Variants in TMCO5A observed in about 807,000 individuals in gnomAD.
The protein encoded by TMCO5A is transmembrane and coiled-coil domain-containing protein 5A.
TMCO5A carries 34 observed loss-of-function variants against 42.3 expected under a neutral mutation model. That is an observed-to-expected ratio of 0.80 (90% CI 0.61 to 1.07). The LOEUF (loss-of-function observed/expected upper bound fraction) is 1.07. TMCO5A is among the 50% of genes least tolerant of loss of function. The pLI, the probability that TMCO5A is intolerant of heterozygous loss-of-function variation, is 0.00. For missense variants in TMCO5A, 357 were observed against 327.9 expected, an observed-to-expected ratio of 1.09 and a Z score of -0.69; for synonymous variants, 131 against 115.6, an observed-to-expected ratio of 1.13 and a Z score of -0.86.
At chr15:38,030,624 T>G in the TMCO5A span, among the ~76,000 whole-genome samples, 1 of 152,166 alleles carries the variant, frequency 6.6e-6, no homozygotes, top group Non-Finnish European at 1.5e-5. Context: ...TTAGCAAGAA[T>G]AAAGGGCTCG....
At chr15:37,976,894 C>T in the TMCO5A span, among the ~76,000 whole-genome samples, 1 of 149,570 alleles carries the variant, frequency 6.7e-6, no homozygotes, top group Non-Finnish European at 1.5e-5. Flanking sequence ...CAAATGATTC[C>T]TCTGCCTCAG....
intron 11 of TMCO5A, among the ~76,000 whole-genome samples, chr15:37,966,057 T>C (rs1443367548): frequency 1.3e-5 from 2 of 152,152 alleles, no homozygotes; most frequent in Admixed American, 6.6e-5. Context: ...ATCTACACAA[T>C]AGAGTGCTAT....
chr15:37,959,394 C>T (rs1166413781), intron 11 of TMCO5A, among the ~76,000 whole-genome samples: 2 of 151,866 alleles, frequency 1.3e-5, no homozygotes, highest in Non-Finnish European at 2.9e-5. Flanking sequence ...CAGACAAAGA[C>T]ACGTCAAAAA....
the TMCO5A span, among the ~76,000 whole-genome samples, chr15:37,997,013 AT>A: frequency 6.6e-6 from 1 of 152,238 alleles, no homozygotes; most frequent in African/African-American, 2.4e-5. Flanking sequence ...TCTCATTAGG[AT>A]GAATGAGTTC....
intron 11 of TMCO5A, among the ~76,000 whole-genome samples, chr15:37,957,558 G>T (rs1890321980): frequency 6.6e-6 from 1 of 151,988 alleles, no homozygotes; most frequent in Admixed American, 6.6e-5. Flanking sequence ...TCTTCAAGGA[G>T]AACTACAAAC....
chr15:37,946,971 A>C (rs1377206205), intron 10 of TMCO5A, among the ~76,000 whole-genome samples: 1 of 152,022 alleles, frequency 6.6e-6, no homozygotes, highest in Non-Finnish European at 1.5e-5. Flanking sequence ...CCTATTTAGT[A>C]TGATATTGGC....
At chr15:38,014,853 TTATATATATATATATATATATATATATA>T in the TMCO5A span, among the ~76,000 whole-genome samples, 16 of 54,632 alleles carry the variant, frequency 2.9e-4, no homozygotes, top group East Asian at 8.0e-4. Context: ...AGGAGAAAGA[TTATATATATATATATATATATATATATA>T]TATATATATA....
chr15:37,952,902 A>C (rs111390660), downstream of TMCO5A, among the ~76,000 whole-genome samples: 10 of 152,344 alleles, frequency 6.6e-5, no homozygotes, highest in African/African-American at 2.2e-4. Context: ...GCCTTCTTTA[A>C]GGAAACATTA....
intron 9 of TMCO5A, 101 bp from the exon 10 acceptor site, chr15:37,943,240 G>A: frequency 9.2e-7 from 1 of 1,088,102 alleles, no homozygotes; most frequent in Non-Finnish European, 1.3e-6. Context: ...ATATTGGACA[G>A]TACAGATTTA....
In TMCO5A at chr15:37,966,260, T is replaced by C. The variant is rs546832738; in HGVS notation, c.669-365T>C. 1.3e-4 allele frequency among the ~76,000 whole-genome samples: 19 copies of C among 150,736 alleles called. No individual in the cohort carries two copies. The South Asian group carries it at 3.5e-3, about 28-fold the overall frequency. ...GGTTACCAGAGGTTGTGAAGGATGA[T>C]GGCAGGGAGGTGAGAATGCTTAGTG... On this transcript the variant is annotated intron_variant, in intron 11 of 11. Transcript: ENST00000559502.
chr15:37,961,444 C>A (rs1890426409), intron 11 of TMCO5A, among the ~76,000 whole-genome samples: 1 of 152,062 alleles, frequency 6.6e-6, no homozygotes, highest in Admixed American at 6.6e-5. Flanking sequence ...GTGACTATGG[C>A]CTTATAGATT....
chr15:37,947,899 A>G (rs1342145625), intron 11 of TMCO5A, among the ~76,000 whole-genome samples: 1 of 152,144 alleles, frequency 6.6e-6, no homozygotes, highest in Non-Finnish European at 1.5e-5. Flanking sequence ...GGTAATTAAT[A>G]ATCTCAACTT....
the TMCO5A span, among the ~76,000 whole-genome samples, chr15:38,031,108 A>G: frequency 6.6e-6 from 1 of 152,196 alleles, no homozygotes; most frequent in Non-Finnish European, 1.5e-5. Flanking sequence ...CCCAGGCTTT[A>G]GAAATGAAGT....
chr15:38,017,535 A>G, the TMCO5A span, among the ~76,000 whole-genome samples: 1 of 152,108 alleles, frequency 6.6e-6, no homozygotes, highest in Non-Finnish European at 1.5e-5. Flanking sequence ...AAGGAAAAGG[A>G]AAAAAGCACT....
At chr15:38,036,588 T>C in the TMCO5A span, among the ~76,000 whole-genome samples, 1 of 152,024 alleles carries the variant, frequency 6.6e-6, no homozygotes, top group African/African-American at 2.4e-5. Context: ...GCCATTTCCT[T>C]TCATGCCTCC....
the TMCO5A span, among the ~76,000 whole-genome samples, chr15:37,994,149 T>C: frequency 1.2e-3 from 178 of 152,284 alleles, 2 homozygotes; most frequent in Non-Finnish European, 3.7e-4. Flanking sequence ...GGTGTCCCTG[T>C]GGCCCAGCTG....
At chr15:37,980,040 G>A in the TMCO5A span, among the ~76,000 whole-genome samples, 18 of 152,212 alleles carry the variant, frequency 1.2e-4, no homozygotes, top group Non-Finnish European at 1.9e-4. Flanking sequence ...GAGTCTGAGG[G>A]CAGCGGGAGC....
At chr15:38,012,725 T>C in the TMCO5A span, among the ~76,000 whole-genome samples, 1 of 152,144 alleles carries the variant, frequency 6.6e-6, no homozygotes, top group Non-Finnish European at 1.5e-5. Flanking sequence ...GAAGTGATGT[T>C]CATGTGTGAG....
the TMCO5A span, among the ~76,000 whole-genome samples, chr15:38,035,204 C>T: frequency 2.0e-5 from 3 of 152,198 alleles, no homozygotes; most frequent in Non-Finnish European, 4.4e-5. Flanking sequence ...AATTCTACAT[C>T]CAAACATATG....
Sources: gnomAD v4.1 joint callset for allele counts (sites outside exome capture counted in the v4.1 genomes callset) on GRCh38, gnomAD v4.1.1 for gene constraint, MANE v1.5 for transcripts, NCBI Gene and HGNC (gene_info 2026-07-23, HGNC 2026-07-21) for gene names.